The following DRC11 variants were observed in gnomAD, a reference collection of about 807,000 sequenced individuals.
DRC11 encodes the protein dynein regulatory complex subunit 11.
the DRC11 span, chr2:236,488,312 A>G: frequency 1.6e-6 from 1 of 636,332 alleles, no homozygotes; most frequent in Non-Finnish European, 2.5e-6. Flanking sequence ...GCTGATCATG[A>G]GTGTGAGAAC....
chr2:236,484,845 C>T, the DRC11 span, among the ~76,000 whole-genome samples: 5 of 152,178 alleles, frequency 3.3e-5, no homozygotes, highest in African/African-American at 1.2e-4. Context: ...GTGCTGTAGG[C>T]GGAAACTCCC....
chr2:236,410,146 C>T, the DRC11 span, among the ~76,000 whole-genome samples: 3 of 151,532 alleles, frequency 2.0e-5, no homozygotes, highest in African/African-American at 7.3e-5. Context: ...GGAGGATTCC[C>T]TCTTTTTCTA....
chr2:236,475,740 A>AT, the DRC11 span, among the ~76,000 whole-genome samples: 1 of 152,050 alleles, frequency 6.6e-6, no homozygotes. The surrounding 1 kb of genome is among the most constrained non-coding windows in gnomAD (Gnocchi z 4.8). Context: ...CTTTGATTTG[A>AT]TTTTGTATAT....
At chr2:236,424,213 A>T in the DRC11 span, among the ~76,000 whole-genome samples, 4 of 152,192 alleles carry the variant, frequency 2.6e-5, no homozygotes, top group African/African-American at 9.6e-5. Context: ...AAAAACTTTC[A>T]GAAATGTAAA....
At chr2:236,328,458 T>C in the DRC11 span, among the ~76,000 whole-genome samples, 1 of 152,172 alleles carries the variant, frequency 6.6e-6, no homozygotes, top group African/African-American at 2.4e-5. This position sits in a 1 kb window ranked among gnomAD's most constrained non-coding sequence, Gnocchi z 6.7. Context: ...CCTGAGAAGA[T>C]CACAAGTTCC....
At chr2:236,459,581 GTA>G in the DRC11 span, among the ~76,000 whole-genome samples, 9 of 140,868 alleles carry the variant, frequency 6.4e-5, no homozygotes, top group African/African-American at 2.1e-4. Flanking sequence ...GTATACATAC[GTA>G]TATACGTATA....
At chr2:236,408,241 G>T in the DRC11 span, 1 of 838,860 alleles carries the variant, frequency 1.2e-6, no homozygotes. This position sits in a 1 kb window ranked among gnomAD's most constrained non-coding sequence, Gnocchi z 5.5. Context: ...TGTGATCTCA[G>T]TGCGGTGATG....
the DRC11 span, among the ~76,000 whole-genome samples, chr2:236,349,528 C>G: frequency 6.6e-6 from 1 of 152,152 alleles, no homozygotes; most frequent in African/African-American, 2.4e-5. The surrounding 1 kb of genome is among the most constrained non-coding windows in gnomAD (Gnocchi z 5.5). Context: ...CCATGGAACA[C>G]TATGCCGCCA....
At chr2:236,315,852 G>A in the DRC11 span, among the ~76,000 whole-genome samples, 1 of 152,082 alleles carries the variant, frequency 6.6e-6, no homozygotes, top group Non-Finnish European at 1.5e-5. This position sits in a 1 kb window ranked among gnomAD's most constrained non-coding sequence, Gnocchi z 5.1. Context: ...GTCGGAGGGC[G>A]GCGGGTTTGG....
the DRC11 span, chr2:236,343,810 T>G: frequency 8.3e-7 from 1 of 1,205,516 alleles, no homozygotes; most frequent in African/African-American, 1.6e-5. The surrounding 1 kb of genome is among the most constrained non-coding windows in gnomAD (Gnocchi z 6.6). Context: ...CTGAAGACTT[T>G]CTGAAATGAC....
At chr2:236,433,411 T>G in the DRC11 span, among the ~76,000 whole-genome samples, 1 of 152,236 alleles carries the variant, frequency 6.6e-6, no homozygotes, top group Non-Finnish European at 1.5e-5. Flanking sequence ...TTTCCATTTC[T>G]TCGCATCCCT....
chr2:236,430,473 C>T, the DRC11 span, among the ~76,000 whole-genome samples: 1 of 152,172 alleles, frequency 6.6e-6, no homozygotes, highest in Non-Finnish European at 1.5e-5. The surrounding 1 kb of genome is among the most constrained non-coding windows in gnomAD (Gnocchi z 6.0). Flanking sequence ...GCGTTTTTCA[C>T]CTAATAATAT....
At chr2:236,457,726 G>T in the DRC11 span, among the ~76,000 whole-genome samples, 3 of 152,180 alleles carry the variant, frequency 2.0e-5, no homozygotes, top group Non-Finnish European at 4.4e-5. The surrounding 1 kb of genome is among the most constrained non-coding windows in gnomAD (Gnocchi z 4.7). Flanking sequence ...AAGGTGATGT[G>T]ACCACAGAAG....
chr2:236,329,214 C>T, the DRC11 span, among the ~76,000 whole-genome samples: 7 of 152,248 alleles, frequency 4.6e-5, no homozygotes, highest in Admixed American at 4.6e-4. Flanking sequence ...TTCAGGTCAG[C>T]TGACTAGCAG....
At chr2:236,373,182 A>C in the DRC11 span, among the ~76,000 whole-genome samples, 31 of 149,928 alleles carry the variant, frequency 2.1e-4, no homozygotes, top group African/African-American at 7.4e-4. Flanking sequence ...GAGATTTGTC[A>C]CCTCATTTCT....
At chr2:236,324,657 A>G in the DRC11 span, 1 of 1,258,830 alleles carries the variant, frequency 7.9e-7, no homozygotes, top group Non-Finnish European at 1.1e-6. This position sits in a 1 kb window ranked among gnomAD's most constrained non-coding sequence, Gnocchi z 5.7. Context: ...GAAAGGCATT[A>G]CTTTTTCTTT....
the DRC11 span, among the ~76,000 whole-genome samples, chr2:236,320,053 T>A: frequency 6.6e-6 from 1 of 152,206 alleles, no homozygotes; most frequent in South Asian, 2.1e-4. Flanking sequence ...GGTGAAAGAT[T>A]TGTAGCATGA....
chr2:236,467,686 G>C, the DRC11 span, among the ~76,000 whole-genome samples: 57 of 152,174 alleles, frequency 3.7e-4, no homozygotes, highest in Non-Finnish European at 6.2e-4. Flanking sequence ...AAGGGTAAGA[G>C]AACAACATTA....
the DRC11 span, among the ~76,000 whole-genome samples, chr2:236,462,965 G>A: frequency 2.0e-5 from 3 of 152,150 alleles, no homozygotes; most frequent in East Asian, 5.8e-4. The surrounding 1 kb of genome is among the most constrained non-coding windows in gnomAD (Gnocchi z 6.4). Flanking sequence ...TTTATTTATT[G>A]TCTTTTTTAC....
Sources: allele counts gnomAD v4.1 joint callset (sites outside exome capture counted in the v4.1 genomes callset), GRCh38; gene constraint gnomAD v4.1.1; non-coding constraint Gnocchi (gnomAD v3.1); transcripts MANE v1.5; gene names NCBI Gene and HGNC (gene_info 2026-07-23, HGNC 2026-07-21).